Variants in CFAP70 observed in about 807,000 individuals in gnomAD.
The protein encoded by CFAP70 is cilia and flagella associated protein 70.
A neutral mutation model predicts 137.6 loss-of-function variants in CFAP70; 81 were observed. That is an observed-to-expected ratio of 0.59 (90% CI 0.49 to 0.71). The LOEUF is 0.71. CFAP70 is among the 30% of genes least tolerant of loss of function. The pLI, the probability that CFAP70 is intolerant of heterozygous loss-of-function variation, is 0.00. For synonymous variants in CFAP70, 382 were observed against 423.6 expected (o/e 0.90, Z 1.20); for missense variants, 976 against 1,226.7 (o/e 0.80, Z 3.05).
chr10:73,286,286 T>C (rs1361454733), intron 19 of CFAP70, among the ~76,000 whole-genome samples: 1 of 151,858 alleles, frequency 6.6e-6, no homozygotes, highest in Non-Finnish European at 1.5e-5. Flanking sequence ...CTACTAAAAA[T>C]ACAAAAAATT....
At chr10:73,321,514 T>C (rs928458220) in intron 9 of CFAP70, among the ~76,000 whole-genome samples, 1 of 152,172 alleles carries the variant, frequency 6.6e-6, no homozygotes, top group Non-Finnish European at 1.5e-5. Context: ...AACTAGATGA[T>C]GGGGTTTTCA....
At chr10:73,295,303 A>G (rs112616507) in intron 15 of CFAP70, 15,847 of 150,826 alleles carry the variant, frequency 0.11, 1,197 homozygotes, top group East Asian at 0.3. Flanking sequence ...GCGAGAAAGA[A>G]AGAGAGAAAG....
chr10:73,312,640 T>G lies in CFAP70; in HGVS notation c.916A>C (p.Lys306Gln). 1.9e-6 allele frequency: 3 copies of G among 1,550,784 alleles called. No individual in the cohort carries two copies. The South Asian group carries it at 3.7e-5, about 19-fold the overall frequency. The change falls in exon 10 of 27, where the codon AAA (lysine) becomes CAA (glutamine). Residue 306 changes from lysine to glutamine, a missense_variant. Physicochemically the swap from Lys to Gln is moderately conservative, Grantham distance 53 (BLOSUM62 1). Coordinates refer to ENST00000310715, the Ensembl canonical transcript of CFAP70. The stretch of plus-strand genomic sequence containing the variant: ...TCCCGGAACAAGCTCAATAAACATT[T>G]GGTCTGAAAAACAAAAAAACAAACA...
intron 6 of CFAP70, among the ~76,000 whole-genome samples, 170 bp from the exon 8 acceptor site, chr10:73,335,694 C>A (rs1294799434): frequency 6.6e-6 from 1 of 151,716 alleles, no homozygotes; most frequent in Non-Finnish European, 1.5e-5. Flanking sequence ...ATTATGAGTA[C>A]TTTATTAATA....
At chr10:73,344,920 A>C (rs1311835000) in intron 5 of CFAP70, 145 bp downstream of exon 6, 1 of 543,444 alleles carries the variant, frequency 1.8e-6, no homozygotes, top group African/African-American at 1.9e-5. Context: ...ATAAAATAGA[A>C]ATAAACTGTA....
chr10:73,278,335 G>C, exon 20 of CFAP70: 1 of 1,607,570 alleles, frequency 6.2e-7, no homozygotes, highest in Non-Finnish European at 8.5e-7. Flanking sequence ...GCAGCTCCTG[G>C]TCCTAAATAG....
chr10:73,287,850 A>AACAT (rs2047854478), intron 19 of CFAP70, among the ~76,000 whole-genome samples: 1 of 129,670 alleles, frequency 7.7e-6, no homozygotes, highest in Non-Finnish European at 1.7e-5. Flanking sequence ...GATGCATTTT[A>AACAT]ACATCTATCT....
upstream of CFAP70, among the ~76,000 whole-genome samples, chr10:73,359,599 T>C (rs528397771): frequency 6.6e-6 from 1 of 152,176 alleles, no homozygotes; most frequent in South Asian, 2.1e-4. Context: ...GAAAACTCTT[T>C]CAAAGTAGGA....
intron 16 of CFAP70, among the ~76,000 whole-genome samples, chr10:73,292,226 T>G (rs11000585): frequency 6.6e-6 from 1 of 152,146 alleles, no homozygotes; most frequent in Non-Finnish European, 1.5e-5. Flanking sequence ...ATTAAAAATT[T>G]GAATCATCAA....
chr10:73,322,085 C>G (rs988286600), intron 9 of CFAP70, among the ~76,000 whole-genome samples: 8 of 152,098 alleles, frequency 5.3e-5, no homozygotes, highest in African/African-American at 1.9e-4. Context: ...CACCCAGTCA[C>G]ACTTAAAATG....
At chr10:73,257,289 G>C (rs948117366) in intron 25 of CFAP70, among the ~76,000 whole-genome samples, 12 of 152,122 alleles carry the variant, frequency 7.9e-5, no homozygotes, top group Non-Finnish European at 1.8e-4. Flanking sequence ...ACATTACTCT[G>C]TCTCTAGGAA....
intron 8 of CFAP70, among the ~76,000 whole-genome samples, chr10:73,323,618 A>C (rs2132222225): frequency 6.6e-6 from 1 of 152,318 alleles, no homozygotes; most frequent in South Asian, 2.1e-4. Context: ...GGTCACTCCC[A>C]CCCTAATACT....
chr10:73,270,493 T>C (rs2046185862), intron 24 of CFAP70, among the ~76,000 whole-genome samples: 1 of 10,604 alleles, frequency 9.4e-5, no homozygotes, highest in Non-Finnish European at 1.9e-4. Context: ...CCTTTTCTTT[T>C]CCTTCCCTTC....
exon 10 of CFAP70, chr10:73,312,564 A>G: frequency 6.2e-7 from 1 of 1,612,616 alleles, no homozygotes; most frequent in Non-Finnish European, 8.5e-7. Context: ...TTTGGACAGC[A>G]GAGAATTAAT....
chr10:73,289,782 AT>A (rs1414227337), intron 19 of CFAP70, among the ~76,000 whole-genome samples: 2 of 151,660 alleles, frequency 1.3e-5, no homozygotes, highest in African/African-American at 4.8e-5. Context: ...GTGGTGGCTT[AT>A]GCCTGTAATC....
intron 3 of CFAP70, among the ~76,000 whole-genome samples, chr10:73,351,135 G>A (rs1261357294): frequency 2.2e-5 from 1 of 44,996 alleles, no homozygotes; most frequent in Non-Finnish European, 4.9e-5. Context: ...TTTTTTTTTT[G>A]TGAGACGGAG....
At chr10:73,282,374 C>T (rs746592789) in intron 19 of CFAP70, among the ~76,000 whole-genome samples, 12 of 150,846 alleles carry the variant, frequency 8.0e-5, no homozygotes, top group Non-Finnish European at 1.6e-4. Context: ...ATGTCACACA[C>T]ACAAAAAAAA....
At chr10:73,296,966 CAAAG>C (rs1264102983) in intron 15 of CFAP70, 72 bp downstream of exon 16, 1 of 1,507,586 alleles carries the variant, frequency 6.6e-7, no homozygotes, top group South Asian at 1.3e-5. Flanking sequence ...GTTGAATAAA[CAAAG>C]GAAGGAATTA....
At chr10:73,269,737 G>A in intron 24 of CFAP70, 22 bp from the exon 26 acceptor site, 2 of 1,513,148 alleles carry the variant, frequency 1.3e-6, no homozygotes, top group Non-Finnish European at 1.8e-6. Flanking sequence ...AATGAGACAT[G>A]TGAGTTAGCT....
Sources: gnomAD v4.1 joint callset for allele counts (sites outside exome capture counted in the v4.1 genomes callset) on GRCh38, gnomAD v4.1.1 for gene constraint, MANE v1.5 for transcripts, NCBI Gene and HGNC (gene_info 2026-07-23, HGNC 2026-07-21) for gene names.